WWOX: variants seen among roughly 807,000 people sequenced by gnomAD.
The protein encoded by WWOX is WW domain containing oxidoreductase, also known as WW domain-containing oxidoreductase.
A neutral mutation model predicts 46.2 loss-of-function variants in WWOX; 69 were observed. The observed-to-expected ratio is 1.49, with a 90% CI of 1.23 to 1.82. The LOEUF is 1.82. Among genes scored for constraint, WWOX ranks in the 40% most tolerant of loss-of-function variants. WWOX has a pLI of 0.00. For missense variants in WWOX, 919 were observed against 542.6 expected (o/e 1.69, Z -6.89); for synonymous variants, 359 against 202.6 (o/e 1.77, Z -6.56).
At chr16:78,813,083 TTC>T (rs2051233113) in intron 8 of WWOX, among the ~76,000 whole-genome samples, 1 of 151,776 alleles carries the variant, frequency 6.6e-6, no homozygotes, top group African/African-American at 2.4e-5. Context: ...GTGAGATGTT[TTC>T]TTTTTTTTTT....
chr16:79,172,763 C>T lies in WWOX; in HGVS notation c.1057-38845C>T, dbSNP rs1006246027. 6.6e-5 allele frequency among the ~76,000 whole-genome samples: 10 copies of T among 151,968 alleles called. No homozygotes were observed. In the East Asian group the frequency reaches 9.6e-4, roughly 15 times the overall value. On this transcript the variant is annotated intron_variant, in intron 8 of 8. Coordinates refer to ENST00000566780, the MANE Select transcript of WWOX (RefSeq NM_016373.4). Reference sequence around the variant, plus strand: ...CTTCACGGCCAGTTATGGTGGCTCACGCCTGTAATTCCAGCACTCTGGGAG... The same window carrying T: ...CTTCACGGCCAGTTATGGTGGCTCATGCCTGTAATTCCAGCACTCTGGGAG...
chr16:78,587,016 G>A (rs973691606), intron 8 of WWOX, among the ~76,000 whole-genome samples: 4 of 151,918 alleles, frequency 2.6e-5, no homozygotes, highest in South Asian at 4.2e-4. Flanking sequence ...TTTGATAATG[G>A]CATGATTTAG....
At chr16:78,715,668 G>A (rs1261988505) in intron 8 of WWOX, among the ~76,000 whole-genome samples, 1 of 152,096 alleles carries the variant, frequency 6.6e-6, no homozygotes, top group Non-Finnish European at 1.5e-5. Flanking sequence ...ATAGAGACAG[G>A]ATTTCACTAT....
chr16:78,999,790 A>T (rs574223934), intron 8 of WWOX, among the ~76,000 whole-genome samples: 1 of 152,316 alleles, frequency 6.6e-6, no homozygotes, highest in South Asian at 2.1e-4. Flanking sequence ...TGGATACACT[A>T]AAAGTGCAGA....
At chr16:78,216,447 T>C (rs991837534) in intron 5 of WWOX, among the ~76,000 whole-genome samples, 1 of 152,160 alleles carries the variant, frequency 6.6e-6, no homozygotes, top group African/African-American at 2.4e-5. Context: ...TTCTGTAAGA[T>C]AGAAGTCCTA....
chr16:78,382,474 G>A (rs551234025), intron 5 of WWOX, among the ~76,000 whole-genome samples: 1 of 152,232 alleles, frequency 6.6e-6, no homozygotes, highest in African/African-American at 2.4e-5. Flanking sequence ...CATAATTCTG[G>A]GTTATTCTAA....
chr16:78,302,635 G>A lies in WWOX; in HGVS notation c.517-84225G>A, dbSNP rs997782142. 2.6e-5 allele frequency among the ~76,000 whole-genome samples: 4 copies of A among 152,216 alleles called. No homozygotes were observed. The South Asian group carries it at 8.3e-4, about 32-fold the overall frequency. On this transcript the variant is annotated intron_variant, in intron 5 of 8. Coordinates refer to ENST00000566780, the MANE Select transcript of WWOX (RefSeq NM_016373.4). ...AAATTGGAAGAGGAGGTAACAATTG[G>A]CCAGTGCTGAGTAGAGGGCATGTGG...
chr16:78,918,721 A>G (rs1425961502), intron 8 of WWOX, among the ~76,000 whole-genome samples: 1 of 152,142 alleles, frequency 6.6e-6, no homozygotes. Context: ...CCCTGGAGGA[A>G]TTTTCTCTCA....
At chr16:78,583,510 G>A (rs1027876346) in intron 8 of WWOX, among the ~76,000 whole-genome samples, 2 of 152,202 alleles carry the variant, frequency 1.3e-5, no homozygotes, top group Admixed American at 1.3e-4. Flanking sequence ...GTCATAAAAT[G>A]TAATGTGGGA....
intron 8 of WWOX, among the ~76,000 whole-genome samples, chr16:78,669,685 G>C (rs1252851147): frequency 1.3e-5 from 2 of 152,144 alleles, no homozygotes; most frequent in African/African-American, 2.4e-5. Flanking sequence ...TATAATTTTT[G>C]TTTGAGCTAA....
intron 8 of WWOX, among the ~76,000 whole-genome samples, chr16:78,497,331 A>G (rs1208235353): frequency 1.3e-5 from 2 of 152,242 alleles, no homozygotes; most frequent in Non-Finnish European, 1.5e-5. Context: ...AGTGGATTGG[A>G]GACTTAAACA....
At chr16:78,543,510 C>G (rs1216679541) in intron 8 of WWOX, among the ~76,000 whole-genome samples, 1 of 152,174 alleles carries the variant, frequency 6.6e-6, no homozygotes, top group African/African-American at 2.4e-5. Context: ...ACCCATGCAC[C>G]TTACACAGAA....
At chr16:78,477,062 G>A (rs1208434857) in intron 8 of WWOX, among the ~76,000 whole-genome samples, 2 of 152,052 alleles carry the variant, frequency 1.3e-5, no homozygotes, top group African/African-American at 4.8e-5. Flanking sequence ...TGAATTACCA[G>A]GTGATCATCT....
intron 8 of WWOX, among the ~76,000 whole-genome samples, chr16:78,963,144 T>G (rs1429748571): frequency 1.3e-5 from 2 of 152,182 alleles, no homozygotes; most frequent in Admixed American, 1.3e-4. Flanking sequence ...ATTCCTCTTG[T>G]CTATCCATCA....
At chr16:78,699,552 A>G (rs2048169037) in intron 8 of WWOX, among the ~76,000 whole-genome samples, 1 of 152,104 alleles carries the variant, frequency 6.6e-6, no homozygotes, top group Admixed American at 6.5e-5. Context: ...AAACCGAAAA[A>G]CGAAAGAAAA....
intron 8 of WWOX, among the ~76,000 whole-genome samples, chr16:78,722,298 C>T (rs375221559): frequency 6.6e-5 from 10 of 152,180 alleles, no homozygotes; most frequent in East Asian, 5.8e-4. Flanking sequence ...TCTCAAGTGA[C>T]TTTGAGCATC....
intron 8 of WWOX, among the ~76,000 whole-genome samples, chr16:78,509,539 C>T (rs567491917): frequency 1.3e-5 from 2 of 152,110 alleles, no homozygotes; most frequent in East Asian, 1.9e-4. Context: ...CGGTTATCTA[C>T]GTCTGTTGTG....
At chr16:78,499,656 C>T (rs1043882363) in intron 8 of WWOX, among the ~76,000 whole-genome samples, 3 of 152,218 alleles carry the variant, frequency 2.0e-5, no homozygotes, top group Non-Finnish European at 4.4e-5. Context: ...GTGCCTGCGA[C>T]TCTCTTCCCT....
At chr16:78,808,995 A>G (rs1448095138) in intron 8 of WWOX, among the ~76,000 whole-genome samples, 1 of 152,070 alleles carries the variant, frequency 6.6e-6, no homozygotes. Context: ...GACCTGATGA[A>G]TTATTATTCG....
Sources: gnomAD v4.1 joint callset for allele counts (sites outside exome capture counted in the v4.1 genomes callset) on GRCh38, gnomAD v4.1.1 for gene constraint, MANE v1.5 for transcripts, NCBI Gene and HGNC (gene_info 2026-07-23, HGNC 2026-07-21) for gene names.